CAMK1D: variants seen among roughly 807,000 people sequenced by gnomAD.
CAMK1D encodes the protein calcium/calmodulin dependent protein kinase ID, also known as calcium/calmodulin-dependent protein kinase type 1D.
A neutral mutation model predicts 47.7 loss-of-function variants in CAMK1D; 9 were observed. The ratio of observed to expected loss-of-function variants is 0.19; its 90% CI spans 0.11 to 0.33. The LOEUF is 0.33. Among genes scored for constraint, CAMK1D ranks in the 10% least tolerant of loss-of-function variants. The pLI is 1.00. For missense variants in CAMK1D, 291 were observed against 488.7 expected, an observed-to-expected ratio of 0.60 and a Z score of 3.81; for synonymous variants, 184 against 184.9, an observed-to-expected ratio of 0.99 and a Z score of 0.04.
chr10:12,691,613 T>G (rs537551013), intron 3 of CAMK1D, among the ~76,000 whole-genome samples: 1 of 151,424 alleles, frequency 6.6e-6, no homozygotes, highest in African/African-American at 2.4e-5. Flanking sequence ...TTTTTGTATT[T>G]TTAGTAGAGA....
chr10:12,482,930 G>A (rs12764478), intron 1 of CAMK1D, among the ~76,000 whole-genome samples: 23,428 of 152,126 alleles, frequency 0.15, 1,911 homozygotes, highest in Non-Finnish European at 0.18. Flanking sequence ...TCAGATGGTA[G>A]GATCTCATAT....
chr10:12,703,598 G>A (rs546266637), intron 3 of CAMK1D, among the ~76,000 whole-genome samples: 37 of 152,344 alleles, frequency 2.4e-4, no homozygotes, highest in African/African-American at 8.9e-4. Context: ...GCCGGGCGCG[G>A]TGGCTCATGC....
chr10:12,535,128 A>G (rs750252925), intron 1 of CAMK1D, among the ~76,000 whole-genome samples: 1 of 152,140 alleles, frequency 6.6e-6, no homozygotes, highest in Non-Finnish European at 1.5e-5. Context: ...AGTCCCTGCT[A>G]CAGCCCATCG....
intron 1 of CAMK1D, among the ~76,000 whole-genome samples, chr10:12,451,630 A>G (rs1447147596): frequency 1.3e-5 from 2 of 152,222 alleles, no homozygotes; most frequent in East Asian, 1.9e-4. Flanking sequence ...ATTCATATAC[A>G]TGATATGCAT....
At chr10:12,430,245 A>T (rs528924220) in intron 1 of CAMK1D, among the ~76,000 whole-genome samples, 2 of 152,224 alleles carry the variant, frequency 1.3e-5, no homozygotes, top group African/African-American at 4.8e-5. Context: ...TGCTCCGTGA[A>T]AAGACGGATT....
At chr10:12,655,556 G>T (rs1054642030) in intron 2 of CAMK1D, among the ~76,000 whole-genome samples, 3 of 152,196 alleles carry the variant, frequency 2.0e-5, no homozygotes, top group South Asian at 2.1e-4. Flanking sequence ...ACTTTTGGAA[G>T]GTGAGAATTA....
intron 1 of CAMK1D, among the ~76,000 whole-genome samples, chr10:12,494,077 G>A (rs1424772180): frequency 6.6e-6 from 1 of 152,222 alleles, no homozygotes; most frequent in African/African-American, 2.4e-5. Context: ...CAGTGCTGGT[G>A]GAGGGGGAAA....
At chr10:12,476,989 T>G (rs1049085482) in intron 1 of CAMK1D, among the ~76,000 whole-genome samples, 1 of 152,168 alleles carries the variant, frequency 6.6e-6, no homozygotes, top group African/African-American at 2.4e-5. Context: ...TGTTGGAATA[T>G]CCAGGCAGAG....
At chr10:12,623,482 C>A (rs547220703) in intron 2 of CAMK1D, among the ~76,000 whole-genome samples, 1 of 131,118 alleles carries the variant, frequency 7.6e-6, no homozygotes, top group Non-Finnish European at 1.6e-5. Flanking sequence ...CCTCCTTCCT[C>A]CCTTCCTTCT....
At chr10:12,791,290 A>C in intron 6 of CAMK1D, 57 bp downstream of exon 6, 6 of 1,489,558 alleles carry the variant, frequency 4.0e-6, no homozygotes, top group Non-Finnish European at 5.6e-6. Flanking sequence ...TTGTTTGGTG[A>C]AATATACATG....
rs1837772346 is a variant in CAMK1D at position 12,364,346 on chromosome 10, A to G, written c.92+14436A>G. ...AACCTCCGCCTTCTGGGTTCAAGCAATTCTCCTGCCTCGGCGCCCCTAGTA... is the reference window on the plus strand; with the variant it reads ...AACCTCCGCCTTCTGGGTTCAAGCAGTTCTCCTGCCTCGGCGCCCCTAGTA... On this transcript the variant is annotated intron_variant, in intron 1 of 10. Coordinates refer to ENST00000619168, the MANE Select transcript of CAMK1D (RefSeq NM_153498.4). 2.0e-5 allele frequency among the ~76,000 whole-genome samples: 3 copies of G among 147,942 alleles called. No homozygotes were observed. In the Admixed American group the frequency reaches 2.1e-4, roughly 10 times the overall value.
At chr10:12,549,465 G>T (rs1462990459) in intron 1 of CAMK1D, among the ~76,000 whole-genome samples, 2 of 152,356 alleles carry the variant, frequency 1.3e-5, no homozygotes, top group Non-Finnish European at 2.9e-5. Flanking sequence ...TGGATGCAAG[G>T]ATTGTTGCCA....
chr10:12,770,088 C>G (rs1836970472), intron 5 of CAMK1D, among the ~76,000 whole-genome samples: 1 of 152,182 alleles, frequency 6.6e-6, no homozygotes, highest in African/African-American at 2.4e-5. Context: ...GGATGAATCC[C>G]AGGTTCCATT....
intron 2 of CAMK1D, among the ~76,000 whole-genome samples, chr10:12,588,083 A>AT (rs555310511): frequency 7.0e-4 from 106 of 152,268 alleles, no homozygotes; most frequent in African/African-American, 2.4e-3. Flanking sequence ...AAGTAAGTGA[A>AT]TATTTCCAAG....
chr10:12,783,739 G>GT (rs1837600827), intron 5 of CAMK1D, among the ~76,000 whole-genome samples: 1 of 151,668 alleles, frequency 6.6e-6, no homozygotes, highest in Admixed American at 6.6e-5. Context: ...CTCTTTTTTT[G>GT]TTTTTTTGAA....
chr10:12,662,073 G>A (rs762682869), intron 2 of CAMK1D, among the ~76,000 whole-genome samples: 16 of 152,198 alleles, frequency 1.1e-4, no homozygotes, highest in East Asian at 1.9e-4. Context: ...GCTGATTAAC[G>A]TCATGGTTAT....
chr10:12,724,095 T>C (rs529631202), intron 3 of CAMK1D, among the ~76,000 whole-genome samples: 2 of 152,198 alleles, frequency 1.3e-5, no homozygotes, highest in Admixed American at 1.3e-4. Context: ...TTCAAGCAAT[T>C]CTCGTGCCTC....
chr10:12,431,528 G>A (rs1403447276), intron 1 of CAMK1D, among the ~76,000 whole-genome samples: 1 of 152,102 alleles, frequency 6.6e-6, no homozygotes, highest in Non-Finnish European at 1.5e-5. Context: ...TCACTTTCCC[G>A]AGGAATAACT....
chr10:12,427,042 G>A (rs1295789879), intron 1 of CAMK1D, among the ~76,000 whole-genome samples: 1 of 151,784 alleles, frequency 6.6e-6, no homozygotes, highest in Non-Finnish European at 1.5e-5. Context: ...AAGAAATGAG[G>A]TCTCCCTATA....
Sources: allele counts gnomAD v4.1 joint callset (sites outside exome capture counted in the v4.1 genomes callset), GRCh38; gene constraint gnomAD v4.1.1; transcripts MANE v1.5; gene names NCBI Gene and HGNC (gene_info 2026-07-23, HGNC 2026-07-21).